PCDH15: variants seen among roughly 807,000 people sequenced by gnomAD.
PCDH15 encodes protocadherin related 15.
Under a neutral mutation model 178.5 loss-of-function variants are expected in PCDH15, and 129 were observed. That is an observed-to-expected ratio of 0.72 (90% CI 0.63 to 0.84). The LOEUF is 0.84. PCDH15 is among the 40% of genes least tolerant of loss of function. The pLI is 0.00. For missense variants in PCDH15, 2,230 were observed against 2,099.9 expected (o/e 1.06, Z -1.21); for synonymous variants, 800 against 732.0 (o/e 1.09, Z -1.50).
At chr10:54,706,824 T>C (rs1468847745) in intron 1 of PCDH15, among the ~76,000 whole-genome samples, 1 of 152,122 alleles carries the variant, frequency 6.6e-6, no homozygotes, top group Non-Finnish European at 1.5e-5. Context: ...GGTTTCACCA[T>C]GTGGGCCAAG....
chr10:53,984,921 T>A (rs1275771483), intron 21 of PCDH15, among the ~76,000 whole-genome samples: 1 of 152,202 alleles, frequency 6.6e-6, no homozygotes, highest in East Asian at 1.9e-4. Flanking sequence ...TCAACAGACA[T>A]GAAGAACTGT....
At chr10:53,903,888 T>G (rs893866480) in intron 25 of PCDH15, among the ~76,000 whole-genome samples, 4 of 152,190 alleles carry the variant, frequency 2.6e-5, no homozygotes. Context: ...GGTGTTTATT[T>G]CCACAAATGG....
Position 54,133,879 on chromosome 10 carries a change from A to G in PCDH15, c.1785-872T>C, listed in dbSNP as rs968784391. Among the ~76,000 whole-genome samples the G allele has an allele frequency of 2.2e-5, 3 of 134,382 alleles. No homozygotes were observed. The Admixed American group carries it at 2.3e-4, about 10-fold the overall frequency. 88.2% of individuals were successfully genotyped at this position (134,382 alleles called of 152,430 possible). ...TACATACACACACACACACACACAT[A>G]TATACACATATATACACACACATAT... On this transcript the variant is annotated intron_variant, in intron 14 of 37. Transcript: ENST00000644397.
At chr10:55,534,245 T>G (rs2132066933) in intron 2 of PCDH15, among the ~76,000 whole-genome samples, 1 of 151,694 alleles carries the variant, frequency 6.6e-6, no homozygotes, top group African/African-American at 2.4e-5. Flanking sequence ...ATTAAAGTGT[T>G]TTCTCCGAGC....
chr10:54,130,228 C>CA (rs1049825231), intron 15 of PCDH15, among the ~76,000 whole-genome samples: 1 of 151,962 alleles, frequency 6.6e-6, no homozygotes, highest in Non-Finnish European at 1.5e-5. Flanking sequence ...GAATGCTTAA[C>CA]AAAAAAACTT....
chr10:55,265,680 G>T (rs1842270903), intron 1 of PCDH15, among the ~76,000 whole-genome samples: 1 of 152,078 alleles, frequency 6.6e-6, no homozygotes, highest in South Asian at 2.1e-4. Context: ...AGGCTAAGTT[G>T]TTCATTATCG....
At chr10:54,413,415 C>T (rs1366871573) in intron 3 of PCDH15, among the ~76,000 whole-genome samples, 4 of 152,214 alleles carry the variant, frequency 2.6e-5, no homozygotes, top group African/African-American at 9.6e-5. Flanking sequence ...CCTCTGACAA[C>T]AATATTCAGG....
Position 55,310,461 on chromosome 10 carries a change from G to C in PCDH15, c.-156+9138C>G, listed in dbSNP as rs538978402. 2.0e-5 allele frequency among the ~76,000 whole-genome samples: 3 copies of C among 151,916 alleles called. No homozygotes were observed. In the East Asian group the frequency reaches 5.8e-4, roughly 29 times the overall value. ...AGAACTTGTTAATTCTAACCTATTTGTTTTCCCAATCCAGGCTAACTTTTT... is the reference window on the plus strand; with the variant it reads ...AGAACTTGTTAATTCTAACCTATTTCTTTTCCCAATCCAGGCTAACTTTTT... On this transcript the variant is annotated intron_variant, in intron 1 of 5. Coordinates refer to the PCDH15 transcript ENST00000458638.
At chr10:54,799,596 TG>T (rs1952432340) in intron 1 of PCDH15, among the ~76,000 whole-genome samples, 1 of 152,042 alleles carries the variant, frequency 6.6e-6, no homozygotes, top group Admixed American at 6.6e-5. Context: ...AAGGGTAATT[TG>T]GGGGGCAAAG....
chr10:54,754,942 CTTTTTTTTTTTT>C (rs35143502), intron 1 of PCDH15, among the ~76,000 whole-genome samples: 1 of 33,858 alleles, frequency 3.0e-5, no homozygotes, highest in Non-Finnish European at 6.3e-5. Flanking sequence ...GTTTTTCTTT[CTTTTTTTTTTTT>C]TTTTTTTTTT....
At chr10:55,499,664 A>C (rs1840612007) in intron 2 of PCDH15, among the ~76,000 whole-genome samples, 1 of 151,768 alleles carries the variant, frequency 6.6e-6, no homozygotes, top group African/African-American at 2.4e-5. Context: ...ATTTGTAGGA[A>C]AGTAGCCTAA....
chr10:53,924,103 C>T (rs1048527326), intron 25 of PCDH15, among the ~76,000 whole-genome samples: 1 of 152,298 alleles, frequency 6.6e-6, no homozygotes, highest in Non-Finnish European at 1.5e-5. Flanking sequence ...CCCTTCAGCC[C>T]GCGGCTGCAC....
At chr10:54,358,674 G>C (rs1212593784) in intron 5 of PCDH15, among the ~76,000 whole-genome samples, 1 of 152,062 alleles carries the variant, frequency 6.6e-6, no homozygotes, top group Non-Finnish European at 1.5e-5. Context: ...TATACCCAAA[G>C]GACTAGAAAT....
intron 18 of PCDH15, among the ~76,000 whole-genome samples, chr10:54,034,304 A>G (rs1339183878): frequency 6.6e-6 from 1 of 151,928 alleles, no homozygotes; most frequent in African/African-American, 2.4e-5. Context: ...TCTCTATTTT[A>G]CACACATTGT....
rs16905686 is a variant in PCDH15, at chr10:54,189,391, G to A, written c.1306-4123C>T. ...GAACTCCACTGGGTGGAACCTATAC[G>A]CAAATTAAACATGAAATAAATATTG... is the stretch of plus-strand genomic sequence containing the variant. On this transcript the variant is annotated intron_variant, in intron 11 of 37. Coordinates refer to ENST00000644397, the MANE Select transcript of PCDH15 (RefSeq NM_001384140.1). 261,563 of 1,522,380 alleles carry A rather than the reference G, an allele frequency of 0.17. 36,148 individuals carry two copies. The highest frequency in any genetic ancestry group is 0.87 in the East Asian group (36,135 of 41,752). 94.3% of individuals were successfully genotyped at this position (1,522,380 alleles called of 1,614,324 possible). A position where few individuals can be genotyped will look rare whatever the true frequency, so the allele number is the denominator to read the frequency against.
At chr10:55,194,105 T>G (rs960090241) in intron 1 of PCDH15, among the ~76,000 whole-genome samples, 5 of 152,036 alleles carry the variant, frequency 3.3e-5, no homozygotes. Context: ...ATCTTACATA[T>G]TCAGAAAATG....
chr10:54,079,512 A>G, intron 16 of PCDH15, 88 bp from the exon 17 acceptor site: 1 of 1,212,894 alleles, frequency 8.2e-7, no homozygotes, highest in Non-Finnish European at 1.2e-6. Context: ...TACTTTTGAT[A>G]GCTTTTTTTC....
chr10:54,727,416 C>CAACATACCAG (rs1566055645), intron 1 of PCDH15, among the ~76,000 whole-genome samples: 4 of 151,566 alleles, frequency 2.6e-5, no homozygotes, highest in South Asian at 4.1e-4. Flanking sequence ...AACAAAGATA[C>CAACATACCAG]AACATACCAG....
intron 8 of PCDH15, among the ~76,000 whole-genome samples, chr10:54,311,412 ATC>A (rs2060899332): frequency 6.6e-6 from 1 of 152,084 alleles, no homozygotes; most frequent in African/African-American, 2.4e-5. Flanking sequence ...TCATGGTTTT[ATC>A]TGTGCTTCAT....
Sources: gnomAD v4.1 joint callset for allele counts (sites outside exome capture counted in the v4.1 genomes callset) on GRCh38, gnomAD v4.1.1 for gene constraint, MANE v1.5 for transcripts, NCBI Gene and HGNC (gene_info 2026-07-23, HGNC 2026-07-21) for gene names.